The following STAM2 variants were observed in gnomAD, a reference collection of about 807,000 sequenced individuals.
STAM2 encodes the protein signal transducing adapter molecule 2.
STAM2 carries 51 observed loss-of-function variants against 65.6 expected under a neutral mutation model. The ratio of observed to expected loss-of-function variants is 0.78; its 90% CI spans 0.62 to 0.98. The LOEUF is 0.98. STAM2 is among the 50% of genes least tolerant of loss of function. The pLI, the probability that STAM2 is intolerant of heterozygous loss-of-function variation, is 0.00. For missense variants in STAM2, 584 were observed against 617.8 expected (o/e 0.95, Z 0.58); for synonymous variants, 198 against 208.4 (o/e 0.95, Z 0.43).
rs1177035012 is a variant in STAM2, at chr2:152,122,074, ATATGTGTGTGTG to A, written c.1350-1284_1350-1273del. Among the ~76,000 whole-genome samples the A allele has an allele frequency of 4.0e-3, 546 of 135,612 alleles. 2 individuals carry two copies. Among genetic ancestry groups the A allele is most frequent in the Non-Finnish European group, 6.2e-3 (400 of 64,154 alleles). The allele number at this position is 135,612 out of a possible 152,430, so 89.0% of individuals were successfully genotyped here. On this transcript the variant is annotated intron_variant, in intron 13 of 13. Coordinates refer to ENST00000263904, the MANE Select transcript of STAM2 (RefSeq NM_005843.6). ...AAAAAAAAAATATATATATATATAT[ATATGTGTGTGTG>A]TGTGTGTGTGTGTGTGTGTATACAC...
chr2:152,160,879 G>A (rs1404090027), intron 1 of STAM2, among the ~76,000 whole-genome samples: 6 of 151,092 alleles, frequency 4.0e-5, no homozygotes, highest in Non-Finnish European at 7.4e-5. Context: ...GAGGTGGGGG[G>A]GTCAGCCCCC....
Position 152,126,363 on chromosome 2 carries a change from A to C in STAM2, c.1042T>G (p.Ser348Ala). ...EEIDRKHSEL[S>A]ELNVKVLEAL... is the part of the protein sequence containing the mutation. ...TCCAGGACTTTAACATTCAATTCAGACAATTCTGAATGCTTCCTGATGTAG... is the reference window on the plus strand; with the variant it reads ...TCCAGGACTTTAACATTCAATTCAGCCAATTCTGAATGCTTCCTGATGTAG... Residue 348 changes from serine (S) to alanine (A), a missense_variant, in exon 12 of 14, where the codon TCT becomes GCT. Transcript: ENST00000263904. 6.4e-7 allele frequency: 1 copy of C among 1,573,162 alleles called. No homozygotes were observed. Among genetic ancestry groups the C allele is most frequent in the Non-Finnish European group, 8.6e-7 (1 of 1,161,190 alleles).
At chr2:152,175,050 G>T (rs1689987909) in intron 1 of STAM2, among the ~76,000 whole-genome samples, 1 of 152,180 alleles carries the variant, frequency 6.6e-6, no homozygotes, top group Non-Finnish European at 1.5e-5. Flanking sequence ...ATCCGGGGAT[G>T]AAGAGCAACA....
chr2:152,169,923 C>T (rs1165900895), intron 1 of STAM2, among the ~76,000 whole-genome samples: 20 of 151,364 alleles, frequency 1.3e-4, no homozygotes, highest in African/African-American at 1.7e-4. Context: ...GCACAATCTC[C>T]GCCTCCCAGG....
chr2:152,175,413 C>T (rs1386854298), intron 1 of STAM2, among the ~76,000 whole-genome samples, 190 bp downstream of exon 1: 2 of 152,166 alleles, frequency 1.3e-5, no homozygotes, highest in Non-Finnish European at 2.9e-5. Flanking sequence ...GGAAGCACTC[C>T]CCAGACCGCT....
chr2:152,151,896 T>A (rs1306413175), intron 1 of STAM2, among the ~76,000 whole-genome samples: 1 of 152,232 alleles, frequency 6.6e-6, no homozygotes, highest in Non-Finnish European at 1.5e-5. Flanking sequence ...ATATACCACA[T>A]TTATTCATTC....
chr2:152,162,330 G>A (rs1054110669), intron 1 of STAM2, among the ~76,000 whole-genome samples: 1 of 152,128 alleles, frequency 6.6e-6, no homozygotes, highest in Non-Finnish European at 1.5e-5. Flanking sequence ...CTAGCACTTT[G>A]GGAGGCCAAG....
chr2:152,131,906 A>G, intron 11 of STAM2: 1 of 535,508 alleles, frequency 1.9e-6, no homozygotes, highest in Non-Finnish European at 3.3e-6. Flanking sequence ...TTTTTATTTA[A>G]TAAAACTTGT....
chr2:152,172,114 G>A (rs1689907617), intron 1 of STAM2, among the ~76,000 whole-genome samples: 1 of 152,188 alleles, frequency 6.6e-6, no homozygotes, highest in South Asian at 2.1e-4. Flanking sequence ...CCCAGCTGGG[G>A]AGAAGAGGTG....
chr2:152,134,120 T>C (rs1209070128), intron 8 of STAM2, among the ~76,000 whole-genome samples: 1 of 152,164 alleles, frequency 6.6e-6, no homozygotes, highest in Non-Finnish European at 1.5e-5. Context: ...ATTGCTAGAA[T>C]GTACCATATT....
chr2:152,168,559 T>C (rs1689839648), intron 1 of STAM2, among the ~76,000 whole-genome samples: 1 of 152,232 alleles, frequency 6.6e-6, no homozygotes, highest in Non-Finnish European at 1.5e-5. Flanking sequence ...TTATGTTGTA[T>C]ATTCACTGGC....
chr2:152,172,477 C>G (rs1432657795), intron 1 of STAM2, among the ~76,000 whole-genome samples: 2 of 152,030 alleles, frequency 1.3e-5, no homozygotes, highest in African/African-American at 2.4e-5. Context: ...CTTCACCTAC[C>G]AAAAGAGATT....
chr2:152,170,673 A>T (rs1405537574), intron 1 of STAM2, among the ~76,000 whole-genome samples: 11 of 152,172 alleles, frequency 7.2e-5, no homozygotes, highest in Non-Finnish European at 1.6e-4. Context: ...CTAGAGCTAC[A>T]AACATCAACA....
chr2:152,148,499 A>G (rs1689378239), intron 2 of STAM2, among the ~76,000 whole-genome samples, 199 bp from the exon 3 acceptor site: 2 of 152,048 alleles, frequency 1.3e-5, no homozygotes, highest in South Asian at 4.1e-4. Flanking sequence ...GTAAGATCTC[A>G]TCTCTATAAA....
intron 5 of STAM2, among the ~76,000 whole-genome samples, chr2:152,146,722 TCAC>T (rs1689342415): frequency 6.6e-6 from 1 of 152,222 alleles, no homozygotes; most frequent in South Asian, 2.1e-4. Flanking sequence ...TTTACCTTCT[TCAC>T]CATTCCAATC....
At chr2:152,132,301 GACT>G (rs1689078971) in intron 10 of STAM2, 133 bp from the exon 11 acceptor site, 1 of 592,350 alleles carries the variant, frequency 1.7e-6, no homozygotes, top group Non-Finnish European at 2.9e-6. Context: ...GCTAGAGAAA[GACT>G]ACTATTCAGC....
rs1688794016 is a variant in STAM2, at chr2:152,118,548, G to T, written c.*2026C>A. The T allele has an allele frequency of 6.6e-6, 1 of 150,976 alleles. No homozygotes were observed. The highest frequency in any genetic ancestry group is 2.1e-4 in the South Asian group (1 of 4,806). 9.4% of individuals were successfully genotyped at this position (150,976 alleles called of 1,614,324 possible). ...TGTGCAGTAATTATATTGGCTCAAA[G>T]ACATGCTGAATTAAACTTTTATAAT... On this transcript the variant is annotated 3_prime_UTR_variant, in exon 14 of 14. Transcript: ENST00000263904.
intron 11 of STAM2, among the ~76,000 whole-genome samples, chr2:152,131,139 T>G (rs1402292837): frequency 6.6e-6 from 1 of 152,188 alleles, no homozygotes; most frequent in Non-Finnish European, 1.5e-5. Context: ...TTAAAATTTT[T>G]ATAAGTACCA....
intron 2 of STAM2, among the ~76,000 whole-genome samples, chr2:152,148,914 A>G (rs1689386101): frequency 1.3e-5 from 2 of 152,204 alleles, no homozygotes; most frequent in African/African-American, 4.8e-5. Flanking sequence ...GCTTTCAAAC[A>G]GCAAAAGCTT....
Sources: allele counts gnomAD v4.1 joint callset (sites outside exome capture counted in the v4.1 genomes callset), GRCh38; gene constraint gnomAD v4.1.1; transcripts MANE v1.5; gene names NCBI Gene and HGNC (gene_info 2026-07-23, HGNC 2026-07-21).